ZGRF1: variants seen among roughly 807,000 people sequenced by gnomAD.
ZGRF1 encodes 5'-3' DNA helicase ZGRF1.
ZGRF1 carries 196 observed loss-of-function variants against 203.5 expected under a neutral mutation model. The observed-to-expected ratio is 0.96, with a 90% CI of 0.86 to 1.08. The LOEUF (loss-of-function observed/expected upper bound fraction) is 1.08, where lower values mean the gene tolerates loss of function less well. Ranked by LOEUF, ZGRF1 falls within the 50% of genes least tolerant of loss-of-function variation. ZGRF1 has a pLI of 0.00. For missense variants in ZGRF1, 2,326 were observed against 2,416.3 expected (o/e 0.96, Z 0.78); for synonymous variants, 809 against 841.3 (o/e 0.96, Z 0.66).
intron 2 of ZGRF1, among the ~76,000 whole-genome samples, chr4:112,632,267 TG>T (rs1354882840): frequency 4.0e-5 from 6 of 150,726 alleles, no homozygotes; most frequent in Non-Finnish European, 8.9e-5. Flanking sequence ...GGGGAGGAAA[TG>T]GCAGGAGAAG....
Position 112,563,203 on chromosome 4 carries a change from C to G in ZGRF1, c.4510G>C (p.Gly1504Arg). ...DTFIACSAFF[G>R]PSSINEIEIL... is the part of the protein sequence containing the mutation. ...TCTATCTCATTGATAGATGATGGTC[C>G]AAAGAAAGCACTACATGCGATAAAA... The change falls in exon 17 of 28, where the codon GGA becomes CGA. Residue 1504 changes from glycine to arginine, a missense_variant. Gly to Arg is a moderately radical substitution (Grantham distance 125). Coordinates refer to ENST00000505019, the MANE Select transcript of ZGRF1 (RefSeq NM_018392.5). The G allele has an allele frequency of 6.4e-7, 1 of 1,551,010 alleles. No individual in the cohort carries two copies. Among genetic ancestry groups the G allele is most frequent in the Non-Finnish European group, 8.7e-7 (1 of 1,146,634 alleles).
intron 6 of ZGRF1, 111 bp downstream of exon 6, chr4:112,617,329 T>C (rs2046913338): frequency 2.7e-6 from 2 of 733,114 alleles, no homozygotes; most frequent in South Asian, 2.7e-5. Context: ...ATGTATTACC[T>C]ATTTAAACAC....
intron 18 of ZGRF1, 90 bp from the exon 19 acceptor site, chr4:112,561,085 T>G: frequency 9.6e-7 from 1 of 1,043,170 alleles, no homozygotes; most frequent in Non-Finnish European, 1.4e-6. Context: ...CATCACTTTG[T>G]AAGCATTACA....
chr4:112,580,956 C>T (rs997229394), intron 16 of ZGRF1, among the ~76,000 whole-genome samples: 1 of 152,096 alleles, frequency 6.6e-6, no homozygotes. Context: ...ATAAAACATG[C>T]TGCTATAAAG....
chr4:112,554,016 C>A (rs1185484288), intron 21 of ZGRF1, 34 bp from the exon 22 acceptor site: 2 of 1,558,780 alleles, frequency 1.3e-6, no homozygotes, highest in Non-Finnish European at 1.7e-6. Flanking sequence ...CCTCTTTATT[C>A]CATTTTTCAT....
chr4:112,572,743 G>A (rs1186784058), intron 16 of ZGRF1, among the ~76,000 whole-genome samples: 2 of 152,194 alleles, frequency 1.3e-5, no homozygotes, highest in South Asian at 2.1e-4. Flanking sequence ...AGTGGGCTAA[G>A]GACATGAATA....
intron 16 of ZGRF1, among the ~76,000 whole-genome samples, chr4:112,569,907 G>A (rs1198348752): frequency 1.3e-5 from 2 of 151,988 alleles, no homozygotes; most frequent in South Asian, 2.1e-4. Context: ...TACATTAACA[G>A]ATAGATTTTT....
At chr4:112,585,496 T>G in intron 14 of ZGRF1, 45 bp downstream of exon 14, 1 of 1,506,726 alleles carries the variant, frequency 6.6e-7, no homozygotes, top group Non-Finnish European at 9.0e-7. Context: ...AAACCCTTTA[T>G]AAGACAAGTA....
chr4:112,607,234 C>T (rs1051000467), intron 8 of ZGRF1, among the ~76,000 whole-genome samples: 1 of 152,144 alleles, frequency 6.6e-6, no homozygotes, highest in Admixed American at 6.6e-5. Context: ...AGTAATCCTC[C>T]TGCTTCAACC....
At position 112,585,495 on chromosome 4, in the gene ZGRF1, A is replaced by G. The variant is rs778789757; in HGVS notation, c.4101+46T>C. ...GAAGTAATAGGTATCTAAACCCTTT[A>G]TAAGACAAGTATTTGGTATGGTAGG... On this transcript the variant is annotated intron_variant, in intron 14 of 27. Transcript: ENST00000505019. 4.0e-6 allele frequency: 6 copies of G among 1,502,920 alleles called. No individual in the cohort carries two copies. The East Asian group carries it at 9.1e-5, about 23-fold the overall frequency. 93.1% of individuals were successfully genotyped at this position (1,502,920 alleles called of 1,614,324 possible).
intron 6 of ZGRF1, 148 bp from the exon 7 acceptor site, chr4:112,612,736 T>C (rs1211076573): frequency 5.4e-6 from 3 of 555,270 alleles, no homozygotes; most frequent in African/African-American, 1.9e-5. Flanking sequence ...ATGTAGCACT[T>C]GAGGATTCAC....
chr4:112,592,545 A>G (rs1748356645), intron 10 of ZGRF1, among the ~76,000 whole-genome samples: 1 of 152,204 alleles, frequency 6.6e-6, no homozygotes, highest in Non-Finnish European at 1.5e-5. Context: ...AATAATTCAC[A>G]TAACTCTCTC....
At chr4:112,605,911 C>A in intron 9 of ZGRF1, 97 bp downstream of exon 9, 1 of 784,474 alleles carries the variant, frequency 1.3e-6, no homozygotes, top group Non-Finnish European at 2.2e-6. Flanking sequence ...AACCTTCTGC[C>A]TGTGAAAACT....
Position 112,541,095 on chromosome 4 carries a change from T to C in ZGRF1, c.5772A>G (p.Glu1924=). ...TLCFYNVKGL[E]QIERDNSFHN... ...CATCAACATTAATGTCATTTACCTG[T>C]TCTAGTCCTTTAACATTATAAAAAC... is the stretch of plus-strand genomic sequence containing the variant. The change falls in exon 25 of 28, where the codon GAA becomes GAG. Residue 1924 remains glutamate (E), a synonymous_variant. Transcript: ENST00000505019. The C allele has an allele frequency of 6.3e-7, 1 of 1,584,736 alleles. No homozygotes were observed. The highest frequency in any genetic ancestry group is 8.6e-7 in the Non-Finnish European group (1 of 1,163,892).
chr4:112,540,667 G>GA (rs1287505127), intron 26 of ZGRF1, among the ~76,000 whole-genome samples, 154 bp downstream of exon 26: 1 of 151,822 alleles, frequency 6.6e-6, no homozygotes. Flanking sequence ...AGCCAGACCA[G>GA]AAAAAAATCA....
At chr4:112,615,862 C>T (rs1048105959) in intron 6 of ZGRF1, among the ~76,000 whole-genome samples, 1 of 147,412 alleles carries the variant, frequency 6.8e-6, no homozygotes, top group African/African-American at 2.5e-5. Flanking sequence ...CTCGAACTCC[C>T]GACCTCAGGT....
chr4:112,634,019 T>A (rs2047497010), intron 1 of ZGRF1, among the ~76,000 whole-genome samples: 1 of 152,178 alleles, frequency 6.6e-6, no homozygotes, highest in African/African-American at 2.4e-5. Flanking sequence ...AGAATACAGA[T>A]CTAAAAGACC....
chr4:112,615,633 CTT>C (rs1190163561), intron 6 of ZGRF1, among the ~76,000 whole-genome samples: 47 of 139,064 alleles, frequency 3.4e-4, no homozygotes, highest in Non-Finnish European at 4.7e-4. Flanking sequence ...AAGCTTTTTA[CTT>C]TTTTTTTTTT....
chr4:112,589,438 G>A (rs1432681949), intron 11 of ZGRF1, among the ~76,000 whole-genome samples: 1 of 152,144 alleles, frequency 6.6e-6, no homozygotes, highest in Non-Finnish European at 1.5e-5. Context: ...AGATGCTGGA[G>A]TTACAGCTGT....
Sources: gnomAD v4.1 joint callset for allele counts (sites outside exome capture counted in the v4.1 genomes callset) on GRCh38, gnomAD v4.1.1 for gene constraint, MANE v1.5 for transcripts, NCBI Gene and HGNC (gene_info 2026-07-23, HGNC 2026-07-21) for gene names.